The following NSD3 variants were observed in gnomAD, a reference collection of about 807,000 sequenced individuals.
The protein encoded by NSD3 is histone-lysine N-methyltransferase NSD3.
A neutral mutation model predicts 160.8 loss-of-function variants in NSD3; 24 were observed. The ratio of observed to expected loss-of-function variants is 0.15; its 90% CI spans 0.11 to 0.21. NSD3 has a LOEUF of 0.21. Ranked by LOEUF, NSD3 falls within the 10% of genes least tolerant of loss-of-function variation. The pLI is 1.00. For missense variants in NSD3, 1,157 were observed against 1,735.9 expected, an observed-to-expected ratio of 0.67 and a Z score of 5.93; for synonymous variants, 520 against 600.0, an observed-to-expected ratio of 0.87 and a Z score of 1.95.
chr8:38,369,661 G>C (rs1304027849), intron 1 of NSD3, among the ~76,000 whole-genome samples: 1 of 152,128 alleles, frequency 6.6e-6, no homozygotes, highest in Non-Finnish European at 1.5e-5. Context: ...GTAACTCCAA[G>C]AATAATTTTC....
intron 1 of NSD3, among the ~76,000 whole-genome samples, chr8:38,375,421 T>C (rs913979555): frequency 2.0e-5 from 3 of 152,190 alleles, no homozygotes; most frequent in African/African-American, 7.2e-5. Flanking sequence ...AACACATCCA[T>C]GTGGTAAAAA....
chr8:38,300,732 A>G (rs577799248), intron 14 of NSD3, among the ~76,000 whole-genome samples: 1 of 152,204 alleles, frequency 6.6e-6, no homozygotes, highest in Non-Finnish European at 1.5e-5. Flanking sequence ...CTGTGAGACC[A>G]GGGGACATTT....
intron 12 of NSD3, among the ~76,000 whole-genome samples, chr8:38,308,078 T>C (rs1255481328): frequency 6.6e-6 from 1 of 152,234 alleles, no homozygotes; most frequent in Admixed American, 6.5e-5. Flanking sequence ...TTCAAGTCTT[T>C]TGTCCACTTT....
chr8:38,325,095 G>T (rs1809876001), intron 7 of NSD3, among the ~76,000 whole-genome samples: 1 of 152,210 alleles, frequency 6.6e-6, no homozygotes, highest in Non-Finnish European at 1.5e-5. Context: ...CAAGGAGGGG[G>T]TCACGAGAAC....
chr8:38,331,715 G>C, intron 4 of NSD3, 130 bp from the exon 5 acceptor site: 1 of 925,706 alleles, frequency 1.1e-6, no homozygotes, highest in Non-Finnish European at 1.6e-6. Flanking sequence ...ATTGTCCAAA[G>C]ATATGTTCCA....
rs1160676976 is a variant in NSD3, at chr8:38,329,943, T to C, written c.1066-50A>G. 6.6e-7 allele frequency: 1 copy of C among 1,504,088 alleles called. No homozygotes were observed. The highest frequency in any genetic ancestry group is 8.8e-7 in the Non-Finnish European group (1 of 1,134,346). The allele number at this position is 1,504,088 out of a possible 1,614,324, so 93.2% of individuals were successfully genotyped here. A position where few individuals can be genotyped will look rare whatever the true frequency, so the allele number is the denominator to read the frequency against. ...GACATGCTTTACTCTAATAGGTACA[T>C]TAAAATTGATATGTATTTCCCATGT... is the stretch of plus-strand genomic sequence containing the variant. On this transcript the variant is annotated intron_variant, in intron 5 of 23. Transcript: ENST00000317025. This position sits in a 1 kb window ranked among gnomAD's most constrained non-coding sequence, Gnocchi z 4.8.
chr8:38,305,330 G>C lies in NSD3; in HGVS notation c.2358C>G (p.Ile786Met), dbSNP rs757817622. 4 of 1,614,172 alleles carry C rather than the reference G, an allele frequency of 2.5e-6. No individual in the cohort carries two copies. In the East Asian group the frequency reaches 8.9e-5, roughly 36 times the overall value. The change falls in exon 13 of 24, where the codon ATC (isoleucine) becomes ATG (methionine). Residue 786 changes from isoleucine to methionine, a missense_variant. Transcript: ENST00000317025. ...EACVRKFPTA[I>M]FESKGFRCPQ... ...GACAGCGGAATCCTTTTGATTCAAAGATGGCAGTGGGGAATTTGCGGACAC... is the reference window on the plus strand; with the variant it reads ...GACAGCGGAATCCTTTTGATTCAAACATGGCAGTGGGGAATTTGCGGACAC...
At chr8:38,276,749 A>G (rs139886146) in intron 22 of NSD3, 4 of 488,904 alleles carry the variant, frequency 8.2e-6, no homozygotes, top group Admixed American at 3.5e-5. Context: ...CAGTGGTGCA[A>G]TCTTGGCTCA....
intron 2 of NSD3, among the ~76,000 whole-genome samples, chr8:38,345,581 T>C (rs147609297): frequency 6.4e-4 from 98 of 152,182 alleles, no homozygotes; most frequent in African/African-American, 2.0e-3. Flanking sequence ...CATGATTCAA[T>C]AAAAGGGAAA....
chr8:38,288,103 GC>G lies in NSD3; in HGVS notation c.3501+383del, dbSNP rs1180950122. 1.3e-5 allele frequency among the ~76,000 whole-genome samples: 2 copies of G among 152,022 alleles called. No individual in the cohort carries two copies. Among genetic ancestry groups the G allele is most frequent in the Admixed American group, 6.6e-5 (1 of 15,252 alleles). ...AGGCTGAAGTGGGAGGATCTCTTGA[GC>G]CCAGGAGTTCAAGGCTTGAGTGAGC... On this transcript the variant is annotated intron_variant, in intron 19 of 23. Coordinates refer to ENST00000317025, the MANE Select transcript of NSD3 (RefSeq NM_023034.2). The surrounding 1 kb of genome is among the most constrained non-coding windows in gnomAD (Gnocchi z 4.5).
rs528154445 is a variant in NSD3, at chr8:38,279,407, C to T, written c.3760+133G>A. 23 of 1,092,966 alleles carry T rather than the reference C, an allele frequency of 2.1e-5. No homozygotes were observed. In the South Asian group the frequency reaches 3.1e-4, roughly 15 times the overall value. 67.7% of individuals were successfully genotyped at this position (1,092,966 alleles called of 1,614,324 possible). A position where few individuals can be genotyped will look rare whatever the true frequency, so the allele number is the denominator to read the frequency against. On this transcript the variant is annotated intron_variant, in intron 21 of 23. Transcript: ENST00000317025. ...ATATAACTCTCCTTTTATTTGAATA[C>T]GTTTTCTAAATATAACCTTCCTCTT...
intron 16 of NSD3, among the ~76,000 whole-genome samples, chr8:38,294,082 GTGTTTTTTTGTTGT>G (rs1035739641): frequency 6.6e-6 from 1 of 151,642 alleles, no homozygotes; most frequent in African/African-American, 2.4e-5. Context: ...TAGTTTAATT[GTGTTTTTTTGTTGT>G]TGTTTTTTTC....
At chr8:38,333,594 G>A (rs1315751000) in intron 4 of NSD3, among the ~76,000 whole-genome samples, 1 of 152,202 alleles carries the variant, frequency 6.6e-6, no homozygotes, top group Non-Finnish European at 1.5e-5. Flanking sequence ...ATGGCCGGGC[G>A]CGGTGGCTCA....
intron 1 of NSD3, among the ~76,000 whole-genome samples, chr8:38,350,261 ACT>A (rs1810655924): frequency 6.6e-6 from 1 of 152,200 alleles, no homozygotes; most frequent in African/African-American, 2.4e-5. Flanking sequence ...GAATCGCCAC[ACT>A]GTCTTCCACA....
intron 19 of NSD3, among the ~76,000 whole-genome samples, chr8:38,285,883 GTCACCAT>G (rs59341958): frequency 9.3e-4 from 142 of 152,154 alleles, no homozygotes; most frequent in African/African-American, 3.2e-3. Context: ...GTGATTCCAC[GTCACCAT>G]TGTCTTTCTC....
chr8:38,348,724 C>T (rs11785041), intron 1 of NSD3, among the ~76,000 whole-genome samples: 29,802 of 151,950 alleles, frequency 0.2, 3,198 homozygotes, highest in East Asian at 0.31. Flanking sequence ...TGTAGTGGTA[C>T]AATCATGGCT....
intron 1 of NSD3, among the ~76,000 whole-genome samples, chr8:38,363,287 T>C (rs1011734337): frequency 2.0e-5 from 3 of 152,050 alleles, no homozygotes; most frequent in Non-Finnish European, 4.4e-5. Context: ...CAAGGATCCT[T>C]ATCATCCTTT....
At chr8:38,299,377 C>G (rs1809229617) in intron 15 of NSD3, 67 bp downstream of exon 15, 1 of 1,526,536 alleles carries the variant, frequency 6.6e-7, no homozygotes, top group Non-Finnish European at 8.8e-7. Context: ...CATTTCCCCC[C>G]TATATTGAAA....
intron 12 of NSD3, among the ~76,000 whole-genome samples, chr8:38,306,333 G>A (rs944567154): frequency 6.6e-6 from 1 of 151,690 alleles, no homozygotes. Context: ...AAGAACTTAC[G>A]AACAATGGCA....
Sources: gnomAD v4.1 joint callset for allele counts (sites outside exome capture counted in the v4.1 genomes callset) on GRCh38, gnomAD v4.1.1 for gene constraint, Gnocchi (gnomAD v3.1) non-coding constraint, MANE v1.5 for transcripts, NCBI Gene and HGNC (gene_info 2026-07-23, HGNC 2026-07-21) for gene names.